MTA3: variants seen among roughly 807,000 people sequenced by gnomAD.
MTA3 encodes metastasis-associated protein MTA3.
MTA3 carries 34 observed loss-of-function variants against 83.5 expected under a neutral mutation model. The observed-to-expected ratio is 0.41, with a 90% confidence interval of 0.31 to 0.54. The LOEUF (loss-of-function observed/expected upper bound fraction) is 0.54, where lower values mean the gene tolerates loss of function less well. Ranked by LOEUF, MTA3 falls within the 20% of genes least tolerant of loss-of-function variation. MTA3 has a pLI of 0.33. For synonymous variants in MTA3, 303 were observed against 252.7 expected (o/e 1.20, Z -1.89); for missense variants, 761 against 726.4 (o/e 1.05, Z -0.55).
At position 42,644,223 on chromosome 2, in the gene MTA3, A is replaced by G. The variant is rs1253350320; in HGVS notation, c.478A>G (p.Ile160Val). 3.1e-6 allele frequency: 5 copies of G among 1,610,528 alleles called. No homozygotes were observed. The highest frequency in any genetic ancestry group is 4.2e-6 in the Non-Finnish European group (5 of 1,178,568). Residue 160 changes from isoleucine to valine, a missense_variant, in exon 6 of 17, where the codon ATT becomes GTT. Physicochemically the swap from Ile to Val is conservative, Grantham distance 29 (BLOSUM62 3). Transcript: ENST00000405094. Reference protein sequence around the residue: ...IRVGPRYQADIPEMLLEGESD... With the variant: ...IRVGPRYQADVPEMLLEGESD... ...AGTGGGACCTAGATATCAAGCAGAC[A>G]TTCCAGAAATGCTGTTAGAAGGTAC... is the stretch of plus-strand genomic sequence containing the variant.
intron 4 of MTA3, among the ~76,000 whole-genome samples, chr2:42,636,951 A>G (rs969472047): frequency 6.6e-6 from 1 of 152,132 alleles, no homozygotes; most frequent in Non-Finnish European, 1.5e-5. Flanking sequence ...ACAAATATGT[A>G]CTAGCTTTAG....
intron 15 of MTA3, among the ~76,000 whole-genome samples, chr2:42,719,545 T>C (rs1667260111): frequency 6.6e-6 from 1 of 152,200 alleles, no homozygotes; most frequent in Non-Finnish European, 1.5e-5. Context: ...TTTTATTTTA[T>C]TTGTTTTTTG....
chr2:42,665,404 AAAG>A (rs1558559930), intron 8 of MTA3, among the ~76,000 whole-genome samples: 1 of 152,102 alleles, frequency 6.6e-6, no homozygotes. Flanking sequence ...AAAAAGAAAG[AAAG>A]AAAAAGTAGG....
At chr2:42,508,509 C>T (rs538433597) in intron 2 of MTA3, among the ~76,000 whole-genome samples, 1 of 151,478 alleles carries the variant, frequency 6.6e-6, no homozygotes, top group Admixed American at 6.6e-5. Context: ...TTTTTTTTAT[C>T]TTGTGTAGAG....
At chr2:42,654,300 C>G (rs964880830) in intron 6 of MTA3, among the ~76,000 whole-genome samples, 1 of 152,174 alleles carries the variant, frequency 6.6e-6, no homozygotes, top group Admixed American at 6.5e-5. Flanking sequence ...TACCTGCTTG[C>G]TCCTATACTA....
upstream of MTA3, chr2:42,568,063 C>A (rs1477530901): frequency 6.6e-6 from 1 of 152,230 alleles, no homozygotes; most frequent in Non-Finnish European, 1.5e-5. Context: ...CGGGAAGCAC[C>A]CGGAATCTTC....
At chr2:42,676,863 T>C (rs371661007) in intron 8 of MTA3, among the ~76,000 whole-genome samples, 7 of 152,334 alleles carry the variant, frequency 4.6e-5, no homozygotes, top group African/African-American at 1.7e-4. Context: ...ATTTAGAAGG[T>C]TTAAAAAATA....
Position 42,753,674 on chromosome 2 carries a change from C to T in MTA3, c.*275C>T, listed in dbSNP as rs1573864229. ...GCTGAGAATTGAGGGGCTGAGGGAA[C>T]CCCTCCACCTCCTCCCTTCTGCAGC... On this transcript the variant is annotated 3_prime_UTR_variant, in exon 17 of 17. Coordinates refer to ENST00000405094, the MANE Select transcript of MTA3 (RefSeq NM_001330442.2). 2.3e-6 allele frequency: 3 copies of T among 1,291,542 alleles called. No homozygotes were observed. The East Asian group carries it at 1.1e-4, about 46-fold the overall frequency. The allele number at this position is 1,291,542 out of a possible 1,614,324, so 80.0% of individuals were successfully genotyped here. A position where few individuals can be genotyped will look rare whatever the true frequency, so the allele number is the denominator to read the frequency against.
intron 4 of MTA3, among the ~76,000 whole-genome samples, chr2:42,625,653 A>G (rs1573360365): frequency 6.7e-6 from 1 of 148,826 alleles, no homozygotes; most frequent in African/African-American, 2.5e-5. Flanking sequence ...AGGCTGAGGT[A>G]GGAGAATGTC....
chr2:42,741,678 T>A (rs1669039979), intron 16 of MTA3, among the ~76,000 whole-genome samples: 1 of 150,738 alleles, frequency 6.6e-6, no homozygotes, highest in Admixed American at 6.6e-5. Context: ...TTTTTATTAA[T>A]TTTTTTTTTC....
At chr2:42,591,771 C>T (rs1167310391) in intron 3 of MTA3, among the ~76,000 whole-genome samples, 1 of 152,110 alleles carries the variant, frequency 6.6e-6, no homozygotes, top group East Asian at 1.9e-4. Context: ...CTGCCTCAGC[C>T]TCCCGAGTAG....
At chr2:42,505,993 G>A (rs1231602629) in intron 2 of MTA3, among the ~76,000 whole-genome samples, 1 of 152,054 alleles carries the variant, frequency 6.6e-6, no homozygotes, top group East Asian at 1.9e-4. Context: ...TCGAACTCCT[G>A]ACCTCAAATG....
intron 3 of MTA3, among the ~76,000 whole-genome samples, chr2:42,586,515 A>ACACAC (rs1558462662): frequency 2.1e-4 from 17 of 79,896 alleles, no homozygotes; most frequent in East Asian, 1.4e-3. Context: ...CACACACACA[A>ACACAC]ACACACAAAG....
chr2:42,753,850 G>A lies in MTA3; in HGVS notation c.*451G>A. On this transcript the variant is annotated 3_prime_UTR_variant, in exon 17 of 17. Coordinates refer to ENST00000405094, the MANE Select transcript of MTA3 (RefSeq NM_001330442.2). The stretch of plus-strand genomic sequence containing the variant: ...GGAGGGCCATGGCATCTTTCTGAAT[G>A]GATTTTTCTTAAGAAATGCGCCAGT... 1 of 990,590 alleles carries A rather than the reference G, an allele frequency of 1.0e-6. No homozygotes were observed. The highest frequency in any genetic ancestry group is 1.2e-6 in the Non-Finnish European group (1 of 833,632). 61.4% of individuals were successfully genotyped at this position (990,590 alleles called of 1,614,324 possible).
intron 2 of MTA3, among the ~76,000 whole-genome samples, chr2:42,552,052 C>G (rs1165918834): frequency 1.3e-5 from 2 of 151,804 alleles, no homozygotes; most frequent in Non-Finnish European, 2.9e-5. Context: ...GAGATGAGGT[C>G]TCCCTATATT....
intron 8 of MTA3, among the ~76,000 whole-genome samples, chr2:42,675,190 C>T (rs1216970487): frequency 6.6e-6 from 1 of 151,874 alleles, no homozygotes; most frequent in Non-Finnish European, 1.5e-5. Flanking sequence ...AGCTGGAGTG[C>T]AATGGTGACG....
rs186489188 is a variant in MTA3, at chr2:42,754,602, G to C, written c.*1203G>C. 2 of 985,500 alleles carry C rather than the reference G, an allele frequency of 2.0e-6. No homozygotes were observed. The highest frequency in any genetic ancestry group is 1.2e-4 in the Admixed American group (2 of 16,290). The allele number at this position is 985,500 out of a possible 1,614,324, so 61.0% of individuals were successfully genotyped here. ...CGATGAGCTCCCTGAGCAGATGTGAGGCTGGCAACTCCCCTGCCCTCTGTT... is the reference window on the plus strand; with the variant it reads ...CGATGAGCTCCCTGAGCAGATGTGACGCTGGCAACTCCCCTGCCCTCTGTT... On this transcript the variant is annotated 3_prime_UTR_variant, in exon 17 of 17. Transcript: ENST00000405094.
chr2:42,553,882 AAAAAAG>A (rs1336240555), intron 2 of MTA3, among the ~76,000 whole-genome samples: 1 of 56,614 alleles, frequency 1.8e-5, no homozygotes, highest in African/African-American at 1.6e-4. Context: ...AAAAAAAAAA[AAAAAAG>A]AAAAAAAAAC....
At chr2:42,747,554 G>A (rs1347976018) in intron 16 of MTA3, among the ~76,000 whole-genome samples, 1 of 151,704 alleles carries the variant, frequency 6.6e-6, no homozygotes, top group African/African-American at 2.4e-5. Context: ...TCTGAGGCCT[G>A]CTCTTGAAGC....
Sources: allele counts gnomAD v4.1 joint callset (sites outside exome capture counted in the v4.1 genomes callset), GRCh38; gene constraint gnomAD v4.1.1; transcripts MANE v1.5; gene names NCBI Gene and HGNC (gene_info 2026-07-23, HGNC 2026-07-21).